STX8: variants seen among roughly 807,000 people sequenced by gnomAD.
The protein encoded by STX8 is syntaxin 8, also known as syntaxin-8.
A neutral mutation model predicts 37.5 loss-of-function variants in STX8; 23 were observed. The ratio of observed to expected loss-of-function variants is 0.61; its 90% CI spans 0.44 to 0.87. The LOEUF (loss-of-function observed/expected upper bound fraction) is 0.87. STX8 is among the 40% of genes least tolerant of loss of function. The pLI, the probability that STX8 is intolerant of heterozygous loss-of-function variation, is 0.00. For synonymous variants in STX8, 115 were observed against 99.1 expected (o/e 1.16, Z -0.95); for missense variants, 313 against 284.7 (o/e 1.10, Z -0.71).
chr17:9,563,566 T>C (rs1307037386), intron 2 of STX8, among the ~76,000 whole-genome samples: 1 of 151,980 alleles, frequency 6.6e-6, no homozygotes, highest in Admixed American at 6.6e-5. Flanking sequence ...TAGAGGCTTA[T>C]TTCTGCATAA....
At position 9,560,761 on chromosome 17, in the gene STX8, A is replaced by T. The variant is rs528496125; in HGVS notation, c.118-3233T>A. Among the ~76,000 whole-genome samples, 7 of 151,118 alleles carry T rather than the reference A, an allele frequency of 4.6e-5. No homozygotes were observed. The South Asian group carries it at 1.5e-3, about 31-fold the overall frequency. The stretch of plus-strand genomic sequence containing the variant: ...AGCACAGTTTGGTTTTTTTTTTTTT[A>T]AATGAAGTTTTAGAAAATTACTCTG... On this transcript the variant is annotated intron_variant, in intron 2 of 7. Coordinates refer to ENST00000306357, the MANE Select transcript of STX8 (RefSeq NM_004853.3).
chr17:9,390,165 A>C (rs1912162596), intron 6 of STX8, among the ~76,000 whole-genome samples: 1 of 152,132 alleles, frequency 6.6e-6, no homozygotes, highest in Non-Finnish European at 1.5e-5. Flanking sequence ...TAGGCAAAAA[A>C]CACAGGCTCC....
At chr17:9,538,251 T>A (rs1906138387) in intron 4 of STX8, among the ~76,000 whole-genome samples, 1 of 152,182 alleles carries the variant, frequency 6.6e-6, no homozygotes, top group Admixed American at 6.5e-5. Flanking sequence ...GGGACATACA[T>A]AAAAGAGAGA....
intron 7 of STX8, among the ~76,000 whole-genome samples, chr17:9,321,726 G>A (rs955771873): frequency 3.3e-5 from 5 of 151,970 alleles, no homozygotes; most frequent in Middle Eastern, 3.4e-3. Context: ...CACCATGTTG[G>A]CCAGGCTGTT....
At chr17:9,554,104 A>G (rs1906871838) in intron 3 of STX8, 1 of 152,260 alleles carries the variant, frequency 6.6e-6, no homozygotes, top group Non-Finnish European at 1.5e-5. Flanking sequence ...TACTAAAAAT[A>G]TAAAAATTAG....
intron 6 of STX8, among the ~76,000 whole-genome samples, chr17:9,485,216 T>C (rs574090988): frequency 2.0e-5 from 3 of 152,250 alleles, no homozygotes; most frequent in East Asian, 1.9e-4. Flanking sequence ...CAAGGCAAGG[T>C]ATCAGGCTAT....
At chr17:9,323,777 G>A (rs918973755) in intron 7 of STX8, among the ~76,000 whole-genome samples, 4 of 152,220 alleles carry the variant, frequency 2.6e-5, no homozygotes, top group African/African-American at 9.6e-5. Context: ...GATAGAAGTG[G>A]AGATTAGCAG....
At chr17:9,438,539 G>A (rs1047060532) in intron 6 of STX8, among the ~76,000 whole-genome samples, 5 of 152,040 alleles carry the variant, frequency 3.3e-5, no homozygotes, top group Admixed American at 6.6e-5. Flanking sequence ...TTTCTGCAAT[G>A]GGCCAGGTGG....
chr17:9,340,745 C>T (rs1333111932), intron 7 of STX8, among the ~76,000 whole-genome samples: 2 of 136,216 alleles, frequency 1.5e-5, no homozygotes, highest in East Asian at 4.6e-4. Flanking sequence ...GCAACCTCTG[C>T]CTCCCGGGTT....
chr17:9,357,778 G>T (rs61378513), intron 7 of STX8, among the ~76,000 whole-genome samples: 2 of 152,064 alleles, frequency 1.3e-5, no homozygotes, highest in African/African-American at 4.8e-5. Context: ...AGTGAAGGGC[G>T]CAATGCCTCA....
chr17:9,565,161 T>C (rs560620354), intron 2 of STX8, among the ~76,000 whole-genome samples: 1 of 152,280 alleles, frequency 6.6e-6, no homozygotes, highest in South Asian at 2.1e-4. Flanking sequence ...TGAGCCAGGA[T>C]CGTGCCACTG....
intron 6 of STX8, among the ~76,000 whole-genome samples, chr17:9,425,706 T>C (rs907371052): frequency 3.3e-5 from 5 of 152,224 alleles, no homozygotes; most frequent in Non-Finnish European, 5.9e-5. Flanking sequence ...CATTTAGTTC[T>C]TTCTTCCAGT....
intron 6 of STX8, among the ~76,000 whole-genome samples, chr17:9,410,000 G>A (rs1263479609): frequency 3.3e-5 from 5 of 151,232 alleles, no homozygotes; most frequent in Admixed American, 6.6e-5. Context: ...TCGTAAGTAC[G>A]AAAGGATTGG....
At chr17:9,524,061 T>A (rs1457774335) in intron 4 of STX8, among the ~76,000 whole-genome samples, 2 of 152,252 alleles carry the variant, frequency 1.3e-5, no homozygotes, top group Non-Finnish European at 2.9e-5. Flanking sequence ...AATTCTGGCA[T>A]CTTTTCCCTC....
At chr17:9,329,680 C>T (rs1478417545) in intron 7 of STX8, among the ~76,000 whole-genome samples, 7 of 152,250 alleles carry the variant, frequency 4.6e-5, no homozygotes, top group Non-Finnish European at 7.3e-5. Context: ...CCACTCAGGC[C>T]GTTGCAGCTG....
intron 7 of STX8, among the ~76,000 whole-genome samples, chr17:9,345,848 C>CTTTTTTTCTTTTTTTTT (rs1910512965): frequency 1.9e-5 from 1 of 52,076 alleles, no homozygotes. Context: ...TTATGCATTC[C>CTTTTTTTCTTTTTTTTT]TTTTTTTTTT....
intron 4 of STX8, among the ~76,000 whole-genome samples, chr17:9,542,003 TA>T (rs1567603558): frequency 8.2e-6 from 1 of 122,386 alleles, no homozygotes; most frequent in Non-Finnish European, 1.7e-5. Flanking sequence ...TAAACATTTG[TA>T]TTTTTTTTTT....
chr17:9,263,123 A>G (rs961710673), intron 7 of STX8, among the ~76,000 whole-genome samples: 2 of 152,200 alleles, frequency 1.3e-5, no homozygotes, highest in Admixed American at 6.5e-5. Flanking sequence ...CCCAACAGAA[A>G]TATCTGTTGA....
intron 6 of STX8, among the ~76,000 whole-genome samples, chr17:9,442,673 G>A (rs981363346): frequency 2.0e-5 from 3 of 152,132 alleles, no homozygotes; most frequent in Non-Finnish European, 4.4e-5. Flanking sequence ...CTCCCAAAGC[G>A]CTGGGATTAC....
Sources: gnomAD v4.1 joint callset for allele counts (sites outside exome capture counted in the v4.1 genomes callset) on GRCh38, gnomAD v4.1.1 for gene constraint, MANE v1.5 for transcripts, NCBI Gene and HGNC (gene_info 2026-07-23, HGNC 2026-07-21) for gene names.